The following RNF111 variants were observed in gnomAD, a reference collection of about 807,000 sequenced individuals.
The protein encoded by RNF111 is E3 ubiquitin-protein ligase Arkadia.
A neutral mutation model predicts 95.1 loss-of-function variants in RNF111; 17 were observed. The observed-to-expected ratio is 0.18, with a 90% CI of 0.12 to 0.27. The LOEUF is 0.27. Among genes scored for constraint, RNF111 ranks in the 10% least tolerant of loss-of-function variants. The pLI, the probability that RNF111 is intolerant of heterozygous loss-of-function variation, is 1.00. For missense variants in RNF111, 1,189 were observed against 1,210.4 expected (o/e 0.98, Z 0.26); for synonymous variants, 440 against 414.8 (o/e 1.06, Z -0.74).
chr15:59,013,841 T>C (rs1488673648), intron 1 of RNF111, among the ~76,000 whole-genome samples: 5 of 151,922 alleles, frequency 3.3e-5, no homozygotes. Context: ...CAGGCTGGAG[T>C]ATAGTGGTGC....
chr15:59,002,822 T>G (rs1414658356), intron 1 of RNF111, among the ~76,000 whole-genome samples: 2 of 152,224 alleles, frequency 1.3e-5, no homozygotes, highest in African/African-American at 4.8e-5. Context: ...GTTAGGCATA[T>G]TCCTGTCACA....
chr15:59,023,377 C>T (rs1282374546), intron 1 of RNF111, among the ~76,000 whole-genome samples: 9 of 152,122 alleles, frequency 5.9e-5, no homozygotes, highest in African/African-American at 1.9e-4. Flanking sequence ...TAATTGTTTT[C>T]ATGTAGGTCC....
rs150605301 is a variant in RNF111, at chr15:59,056,789, T to C, written c.1171+944T>C. On this transcript the variant is annotated intron_variant, in intron 4 of 13. Transcript: ENST00000348370. ...ATCTGTAAGACAGTCGTTAATGTAA[T>C]AGGGATTAATTAATGATTACTCAGT... 1.1e-3 allele frequency among the ~76,000 whole-genome samples: 164 copies of C among 152,290 alleles called. 2 individuals are homozygous for C. In the East Asian group the frequency reaches 0.029, roughly 27 times the overall value.
intron 2 of RNF111, among the ~76,000 whole-genome samples, chr15:59,043,584 A>C (rs2041570161): frequency 6.6e-6 from 1 of 152,206 alleles, no homozygotes; most frequent in Admixed American, 6.6e-5. Context: ...AGGTAGGTAG[A>C]GGTCAAGGGT....
At chr15:59,047,002 T>C (rs1421358352) in intron 2 of RNF111, among the ~76,000 whole-genome samples, 1 of 151,996 alleles carries the variant, frequency 6.6e-6, no homozygotes, top group Admixed American at 6.6e-5. Flanking sequence ...GGAGTAGCTT[T>C]TGTTGAGACG....
chr15:59,073,584 T>C lies in RNF111; in HGVS notation c.1687-2370T>C, dbSNP rs2043038762. 2.0e-5 allele frequency among the ~76,000 whole-genome samples: 3 copies of C among 152,318 alleles called. No individual in the cohort carries two copies. In the South Asian group the frequency reaches 6.2e-4, roughly 32 times the overall value. ...CGGCAATTCAATCACATCTTCAGGT[T>C]CCAACTTCTTATTCTAGTTCTCTTG... On this transcript the variant is annotated intron_variant, in intron 6 of 13. Coordinates refer to ENST00000348370, the MANE Select transcript of RNF111 (RefSeq NM_017610.8).
intron 10 of RNF111, 55 bp downstream of exon 10, chr15:59,085,840 T>A (rs2078882285): frequency 1.4e-6 from 2 of 1,474,136 alleles, no homozygotes; most frequent in Non-Finnish European, 9.3e-7. Flanking sequence ...CTTTTCTAAG[T>A]ATTTTATTGG....
At chr15:59,003,602 G>T (rs1050318974) in intron 1 of RNF111, among the ~76,000 whole-genome samples, 1 of 147,380 alleles carries the variant, frequency 6.8e-6, no homozygotes, top group South Asian at 2.2e-4. Flanking sequence ...GGGTTTTGCC[G>T]TGTTGCCCAG....
chr15:59,015,705 A>C (rs2040032517), intron 1 of RNF111, among the ~76,000 whole-genome samples: 1 of 151,274 alleles, frequency 6.6e-6, no homozygotes, highest in Admixed American at 6.6e-5. Context: ...CATTGTTTGA[A>C]GTGAATATTC....
chr15:59,010,136 T>G (rs2039727864), intron 1 of RNF111, among the ~76,000 whole-genome samples: 1 of 152,230 alleles, frequency 6.6e-6, no homozygotes, highest in South Asian at 2.1e-4. Flanking sequence ...GAATACATGT[T>G]ATCGGCAAAT....
At position 59,081,257 on chromosome 15, in the gene RNF111, A is replaced by G; in HGVS notation, c.2270A>G (p.Gln757Arg). ...PHEVMQRMEV[Q>R]RRRMMQHPTR... ...GAAGTGATGCAGAGGATGGAAGTTC[A>G]AAGGAGGAGGATGATGCAGCATCCA... Residue 757 changes from glutamine (Q) to arginine (R), a missense_variant, in exon 8 of 14, where the codon CAA (glutamine) becomes CGA (arginine). Physicochemically the swap from Gln to Arg is conservative, Grantham distance 43. Around this residue, in one of 2 missense-constraint regions of RNF111, gnomAD observed 1,024 missense variants for 925.9 expected, o/e 1.11. Transcript: ENST00000348370. 1 of 1,614,078 alleles carries G rather than the reference A, an allele frequency of 6.2e-7. No homozygotes were observed.
intron 2 of RNF111, among the ~76,000 whole-genome samples, chr15:59,035,336 C>T (rs1567232600): frequency 1.3e-5 from 2 of 152,170 alleles, no homozygotes; most frequent in East Asian, 1.9e-4. Context: ...TCCCAACAGT[C>T]CCCCAAAGTC....
chr15:58,989,856 A>G (rs896989467), intron 1 of RNF111, among the ~76,000 whole-genome samples: 2 of 150,700 alleles, frequency 1.3e-5, no homozygotes, highest in African/African-American at 4.9e-5. Context: ...AACCATTTAG[A>G]TTTTTAGATG....
Position 59,052,342 on chromosome 15 carries a change from C to T in RNF111, c.918C>T (p.Ser306=). Residue 306 remains serine (S), a synonymous_variant, in exon 3 of 14, where the codon TCC becomes TCT. Transcript: ENST00000348370. ...IDEDVVVIEA[S]STPQVTANEE... ...AAGATGTTGTGGTGATAGAAGCTTCCTCCACTCCCCAGGTTACTGCCAATG... is the reference window on the plus strand; with the variant it reads ...AAGATGTTGTGGTGATAGAAGCTTCTTCCACTCCCCAGGTTACTGCCAATG... 1 of 1,602,900 alleles carries T rather than the reference C, an allele frequency of 6.2e-7. No homozygotes were observed.
chr15:59,062,735 A>C (rs58827061), intron 5 of RNF111, among the ~76,000 whole-genome samples: 4,130 of 152,282 alleles, frequency 0.027, 115 homozygotes, highest in African/African-American at 0.062. Context: ...TAACATATCC[A>C]AGGTTATATG....
chr15:59,089,220 A>G (rs1443867175), intron 10 of RNF111, among the ~76,000 whole-genome samples: 1 of 152,162 alleles, frequency 6.6e-6, no homozygotes, highest in East Asian at 1.9e-4. Flanking sequence ...GTAACTAACA[A>G]AAAATTAGAA....
At chr15:59,065,782 G>A (rs1329624346) in intron 5 of RNF111, among the ~76,000 whole-genome samples, 1 of 151,962 alleles carries the variant, frequency 6.6e-6, no homozygotes, top group Non-Finnish European at 1.5e-5. Context: ...TGAGGTGGGC[G>A]GATCACCTGA....
intron 11 of RNF111, among the ~76,000 whole-genome samples, chr15:59,090,224 G>A (rs905089440): frequency 1.8e-4 from 28 of 151,888 alleles, no homozygotes; most frequent in African/African-American, 6.3e-4. Flanking sequence ...TTGTTTGTTT[G>A]TTTGTTTGTT....
intron 1 of RNF111, 51 bp downstream of exon 1, chr15:58,988,119 A>C (rs2141324331): frequency 7.1e-6 from 1 of 140,026 alleles, no homozygotes; most frequent in Non-Finnish European, 1.6e-5. Context: ...GCGTGCGCGC[A>C]ACGGGGGAGG....
Sources: allele counts gnomAD v4.1 joint callset (sites outside exome capture counted in the v4.1 genomes callset), GRCh38; gene constraint gnomAD v4.1.1; regional missense constraint gnomAD v4.1.1; transcripts MANE v1.5; gene names NCBI Gene and HGNC (gene_info 2026-07-23, HGNC 2026-07-21).